KPNA5: variants seen among roughly 807,000 people sequenced by gnomAD.
KPNA5 encodes the protein importin subunit alpha-6.
A neutral mutation model predicts 71.3 loss-of-function variants in KPNA5; 46 were observed. That is an observed-to-expected ratio of 0.65 (90% confidence interval 0.51 to 0.83). KPNA5 has a LOEUF of 0.83. Ranked by LOEUF, KPNA5 falls within the 40% of genes least tolerant of loss-of-function variation. The probability of loss-of-function intolerance (pLI) is 0.00; values close to 1 mark genes in which losing one functional copy is unlikely to be tolerated. For synonymous variants in KPNA5, 207 were observed against 201.4 expected, an observed-to-expected ratio of 1.03 and a Z score of -0.24; for missense variants, 547 against 628.3, an observed-to-expected ratio of 0.87 and a Z score of 1.38.
At chr6:116,717,662 C>T (rs879614635) in intron 8 of KPNA5, among the ~76,000 whole-genome samples, 6 of 152,162 alleles carry the variant, frequency 3.9e-5, no homozygotes, top group African/African-American at 9.7e-5. Flanking sequence ...AAGGAAAGTA[C>T]GCTTGGAAGG....
At chr6:116,708,898 G>T (rs1241760264) in intron 7 of KPNA5, among the ~76,000 whole-genome samples, 1 of 152,126 alleles carries the variant, frequency 6.6e-6, no homozygotes, top group African/African-American at 2.4e-5. Flanking sequence ...CGATGCTCGT[G>T]CCTCAGCCTC....
At chr6:116,694,819 A>G (rs1777960151) in intron 4 of KPNA5, among the ~76,000 whole-genome samples, 1 of 152,214 alleles carries the variant, frequency 6.6e-6, no homozygotes, top group African/African-American at 2.4e-5. Context: ...TTGTTAAGCA[A>G]TATAAATTTC....
chr6:116,683,896 C>CT (rs140446065), intron 1 of KPNA5, among the ~76,000 whole-genome samples: 803 of 59,574 alleles, frequency 0.013, 139 homozygotes, highest in Non-Finnish European at 0.022. Flanking sequence ...CGTGCCCGGC[C>CT]TTTTTTTTTT....
At chr6:116,719,078 C>A (rs757253172) in intron 8 of KPNA5, among the ~76,000 whole-genome samples, 7 of 152,198 alleles carry the variant, frequency 4.6e-5, no homozygotes, top group Non-Finnish European at 8.8e-5. Context: ...GCCACCACAC[C>A]AAGCCGGAAA....
At chr6:116,709,534 T>A (rs1010223369) in intron 7 of KPNA5, among the ~76,000 whole-genome samples, 5 of 152,024 alleles carry the variant, frequency 3.3e-5, no homozygotes, top group Admixed American at 6.5e-5. Flanking sequence ...TAAATTTTTT[T>A]TAAAAAAAGA....
chr6:116,689,346 A>G lies in KPNA5; in HGVS notation c.31A>G (p.Asn11Asp). The G allele has an allele frequency of 1.2e-6, 2 of 1,605,512 alleles. No homozygotes were observed. Among genetic ancestry groups the G allele is most frequent in the Non-Finnish European group, 1.7e-6 (2 of 1,177,778 alleles). The stretch of plus-strand genomic sequence containing the variant: ...TGCCATGGCTAGTCCAGGGAAAGAT[A>G]ACTATAGAATGAAAAGTTATAAGAA... MDAMASPGKD[N>D]YRMKSYKNKA... is the part of the protein sequence containing the mutation. The change falls in exon 2 of 14, where the codon AAC (asparagine) becomes GAC (aspartate). Residue 11 changes from asparagine (N) to aspartate (D), a missense_variant. By Grantham distance (23) the Asn-to-Asp change is conservative (BLOSUM62 1). Coordinates refer to ENST00000368564, the MANE Select transcript of KPNA5 (RefSeq NM_001366306.2).
intron 4 of KPNA5, among the ~76,000 whole-genome samples, chr6:116,692,909 C>T (rs1013303638): frequency 1.5e-4 from 23 of 152,260 alleles, no homozygotes; most frequent in South Asian, 2.1e-4. Flanking sequence ...CAACAGGCCC[C>T]GGTGTGTCAT....
intron 10 of KPNA5, among the ~76,000 whole-genome samples, chr6:116,724,943 T>C (rs1353186358): frequency 7.9e-5 from 12 of 152,190 alleles, no homozygotes; most frequent in Admixed American, 7.9e-4. Context: ...GAAACTTAAA[T>C]TATTTAACAC....
rs1018896618 is a variant in KPNA5 at position 116,734,704 on chromosome 6, A to C, written c.*2381A>C. 9.4e-5 allele frequency: 14 copies of C among 148,890 alleles called. No homozygotes were observed. Among genetic ancestry groups the C allele is most frequent in the Non-Finnish European group, 1.5e-4 (10 of 66,962 alleles). The allele number at this position is 148,890 out of a possible 1,614,324, so 9.2% of individuals were successfully genotyped here. On this transcript the variant is annotated 3_prime_UTR_variant, in exon 14 of 14. Coordinates refer to ENST00000368564, the MANE Select transcript of KPNA5 (RefSeq NM_001366306.2). ...CCATTTAAAATATTTCATCAGGCAG[A>C]GCCCTGACCAGGAAAAAAAAAAAAA...
At chr6:116,717,484 G>A (rs1372209683) in intron 8 of KPNA5, among the ~76,000 whole-genome samples, 1 of 152,112 alleles carries the variant, frequency 6.6e-6, no homozygotes, top group Non-Finnish European at 1.5e-5. Context: ...GGTACCGGTG[G>A]AAGGTATCCA....
At chr6:116,703,785 T>A (rs1778326752) in intron 6 of KPNA5, among the ~76,000 whole-genome samples, 1 of 152,174 alleles carries the variant, frequency 6.6e-6, no homozygotes. Context: ...CTTTCCCAAT[T>A]GAAAAGTAAC....
chr6:116,705,249 G>C, intron 7 of KPNA5, 89 bp downstream of exon 7: 1 of 1,018,442 alleles, frequency 9.8e-7, no homozygotes, highest in East Asian at 2.6e-5. Context: ...AGTCATACTT[G>C]TAAATTTGTC....
rs950503548 is a variant in KPNA5 at position 116,733,350 on chromosome 6, G to T, written c.*1027G>T. 58 of 151,722 alleles carry T rather than the reference G, an allele frequency of 3.8e-4. No homozygotes were observed. The highest frequency in any genetic ancestry group is 1.3e-3 in the African/African-American group (56 of 41,518). 9.4% of individuals were successfully genotyped at this position (151,722 alleles called of 1,614,324 possible). A position where few individuals can be genotyped will look rare whatever the true frequency, so the allele number is the denominator to read the frequency against. ...AAATAACCTTATTATGTGTTAAATT[G>T]TATTAAATGCATTTAACATTTGGAT... On this transcript the variant is annotated 3_prime_UTR_variant, in exon 14 of 14. Coordinates refer to ENST00000368564, the MANE Select transcript of KPNA5 (RefSeq NM_001366306.2).
intron 11 of KPNA5, 58 bp from the exon 12 acceptor site, chr6:116,726,437 T>A: frequency 1.4e-6 from 2 of 1,392,514 alleles, no homozygotes; most frequent in Non-Finnish European, 1.9e-6. Flanking sequence ...AGATTTTTTT[T>A]ACTGGTAATA....
chr6:116,696,939 T>C (rs1253432029), intron 4 of KPNA5, among the ~76,000 whole-genome samples: 2 of 151,864 alleles, frequency 1.3e-5, no homozygotes, highest in Admixed American at 1.3e-4. Flanking sequence ...GGTTCTTATG[T>C]GTGTGTGTGG....
Position 116,716,296 on chromosome 6 carries a change from A to C in KPNA5, c.734A>C (p.Asn245Thr), listed in dbSNP as rs1778883673. Residue 245 changes from asparagine to threonine, a missense_variant, in exon 8 of 14, where the codon AAC (asparagine) becomes ACC (threonine). By Grantham distance (65) the Asn-to-Thr change is moderately conservative (BLOSUM62 0). Transcript: ENST00000368564. ...WALSNLCRGK[N>T]PPPNFSKVSP... ...CTCTCAAATTTATGTAGAGGCAAAA[A>C]CCCTCCTCCAAACTTTAGTAAGGTA... is the stretch of plus-strand genomic sequence containing the variant. 6.2e-7 allele frequency: 1 copy of C among 1,611,836 alleles called. No homozygotes were observed. The highest frequency in any genetic ancestry group is 8.5e-7 in the Non-Finnish European group (1 of 1,178,398).
At chr6:116,730,368 T>C (rs973017790) in intron 13 of KPNA5, among the ~76,000 whole-genome samples, 2 of 152,088 alleles carry the variant, frequency 1.3e-5, no homozygotes, top group African/African-American at 4.8e-5. Flanking sequence ...ATTACAGATA[T>C]GAGCCACCAT....
intron 7 of KPNA5, among the ~76,000 whole-genome samples, chr6:116,710,220 G>A (rs1778606047): frequency 6.6e-6 from 1 of 152,074 alleles, no homozygotes; most frequent in South Asian, 2.1e-4. Flanking sequence ...TAAATGCCAT[G>A]TGGTCATAGT....
chr6:116,729,521 A>G (rs529529894), intron 12 of KPNA5, 42 bp from the exon 13 acceptor site: 7 of 1,296,552 alleles, frequency 5.4e-6, no homozygotes, highest in Non-Finnish European at 7.1e-6. Flanking sequence ...GTCTTTTTAA[A>G]TCTTTTTTTC....
Sources: allele counts gnomAD v4.1 joint callset (sites outside exome capture counted in the v4.1 genomes callset), GRCh38; gene constraint gnomAD v4.1.1; transcripts MANE v1.5; gene names NCBI Gene and HGNC (gene_info 2026-07-23, HGNC 2026-07-21).